Variants in SOX6 observed in about 807,000 individuals in gnomAD.
The protein encoded by SOX6 is SRY-box transcription factor 6.
A neutral mutation model predicts 97.8 loss-of-function variants in SOX6; 11 were observed. That is an observed-to-expected ratio of 0.11 (90% confidence interval 0.07 to 0.19). The LOEUF is 0.19. Ranked by LOEUF, SOX6 falls within the 10% of genes least tolerant of loss-of-function variation. SOX6 has a pLI of 1.00. For synonymous variants in SOX6, 360 were observed against 371.4 expected (o/e 0.97, Z 0.35); for missense variants, 810 against 1,039.5 (o/e 0.78, Z 3.04).
chr11:16,676,531 T>A (rs1403681749), intron 3 of SOX6, among the ~76,000 whole-genome samples: 1 of 152,210 alleles, frequency 6.6e-6, no homozygotes, highest in Non-Finnish European at 1.5e-5. Flanking sequence ...GAAATCAGAA[T>A]CTTCAACCTT....
chr11:16,103,970 T>C (rs997944468), intron 7 of SOX6, among the ~76,000 whole-genome samples: 2 of 151,608 alleles, frequency 1.3e-5, no homozygotes, highest in Admixed American at 6.6e-5. Context: ...ATCACCACTA[T>C]TGACATTCAA....
intron 2 of SOX6, among the ~76,000 whole-genome samples, chr11:16,728,801 T>A (rs1457554138): frequency 6.6e-6 from 1 of 152,166 alleles, no homozygotes; most frequent in Non-Finnish European, 1.5e-5. Context: ...AAGGAGGATG[T>A]TCTAACCCAA....
intron 2 of SOX6, among the ~76,000 whole-genome samples, chr11:16,731,843 A>G (rs904574752): frequency 6.6e-6 from 1 of 152,160 alleles, no homozygotes; most frequent in South Asian, 2.1e-4. Context: ...TTTTGAAAAC[A>G]CCAACATCTC....
Position 16,031,039 on chromosome 11 carries a change from T to A in SOX6, c.1623+15475A>T, listed in dbSNP as rs1215069302. Among the ~76,000 whole-genome samples, 3 of 152,136 alleles carry A rather than the reference T, an allele frequency of 2.0e-5. No individual in the cohort carries two copies. In the East Asian group the frequency reaches 5.8e-4, roughly 29 times the overall value. On this transcript the variant is annotated intron_variant, in intron 12 of 15. Coordinates refer to ENST00000683767, the MANE Select transcript of SOX6 (RefSeq NM_001367873.1). ...CATTAGCATCTTATAAATTGTAAAGTCTTTTCCCACATATTATCTAATTCG... is the reference window on the plus strand; with the variant it reads ...CATTAGCATCTTATAAATTGTAAAGACTTTTCCCACATATTATCTAATTCG...
chr11:16,143,066 A>G (rs1472061617), intron 6 of SOX6, among the ~76,000 whole-genome samples: 1 of 152,140 alleles, frequency 6.6e-6, no homozygotes, highest in Non-Finnish European at 1.5e-5. Flanking sequence ...CACCGAAGTT[A>G]AAATGAAGGA....
chr11:16,052,112 C>A (rs1847700290), intron 10 of SOX6, among the ~76,000 whole-genome samples: 1 of 152,028 alleles, frequency 6.6e-6, no homozygotes, highest in African/African-American at 2.4e-5. Context: ...TTTATTACAT[C>A]TTTTTTAACT....
At chr11:16,143,499 G>C (rs923857829) in intron 6 of SOX6, among the ~76,000 whole-genome samples, 11 of 152,054 alleles carry the variant, frequency 7.2e-5, no homozygotes, top group African/African-American at 1.4e-4. Context: ...TCACACATAA[G>C]AATATTAACC....
At chr11:16,326,515 A>T (rs7131442) in intron 2 of SOX6, among the ~76,000 whole-genome samples, 26,223 of 149,246 alleles carry the variant, frequency 0.18, 2,751 homozygotes, top group Admixed American at 0.3. Context: ...AGTTTTTTTT[A>T]AAAAAAAAAG....
intron 4 of SOX6, among the ~76,000 whole-genome samples, chr11:16,219,916 T>A (rs1852489418): frequency 6.6e-6 from 1 of 152,044 alleles, no homozygotes; most frequent in Non-Finnish European, 1.5e-5. Flanking sequence ...AGATGGAGAT[T>A]AATTATGATC....
intron 3 of SOX6, among the ~76,000 whole-genome samples, chr11:16,680,400 G>A (rs776736617): frequency 1.3e-5 from 2 of 152,144 alleles, no homozygotes. Context: ...CTACAGACAA[G>A]CAAATGCTGA....
In SOX6 at chr11:16,492,614, C is replaced by T. The variant is rs188443872; in HGVS notation, n.610-16226G>A. Among the ~76,000 whole-genome samples the T allele has an allele frequency of 6.8e-3, 1,033 of 152,248 alleles. 8 individuals are homozygous for T. Among genetic ancestry groups the T allele is most frequent in the African/African-American group, 0.024 (988 of 41,534 alleles). ...GACCTTAATAAGAAGGAGGCTTTTT[C>T]CTTCTTCCAAACCTCACTACTCCCT... On this transcript the variant is annotated intron_variant and non_coding_transcript_variant, in intron 4 of 5. Transcript: ENST00000524520.
chr11:16,289,962 C>G (rs1001501845), intron 3 of SOX6, among the ~76,000 whole-genome samples: 7 of 151,966 alleles, frequency 4.6e-5, no homozygotes, highest in Non-Finnish European at 7.4e-5. Flanking sequence ...GATATAAAGT[C>G]TTTTAACAAA....
At chr11:16,390,256 G>GA (rs1778402842) in intron 1 of SOX6, among the ~76,000 whole-genome samples, 1 of 149,404 alleles carries the variant, frequency 6.7e-6, no homozygotes, top group South Asian at 2.1e-4. Flanking sequence ...CTCCAGGTCA[G>GA]AAAAAAATGC....
intron 3 of SOX6, among the ~76,000 whole-genome samples, chr11:16,614,146 A>G (rs1848438739): frequency 6.6e-6 from 1 of 152,142 alleles, no homozygotes; most frequent in Non-Finnish European, 1.5e-5. Flanking sequence ...AACTCCAAAC[A>G]CTAACTCCCA....
chr11:16,724,493 A>G (rs1486272867), intron 2 of SOX6, among the ~76,000 whole-genome samples: 2 of 152,212 alleles, frequency 1.3e-5, no homozygotes, highest in African/African-American at 4.8e-5. Flanking sequence ...TTAAAAAAAA[A>G]AAAAGGACAA....
At chr11:15,980,350 T>G (rs1853620665) in intron 15 of SOX6, among the ~76,000 whole-genome samples, 1 of 152,054 alleles carries the variant, frequency 6.6e-6, no homozygotes, top group Non-Finnish European at 1.5e-5. Context: ...GTTCAAGAAC[T>G]TAGGGAAGAC....
At chr11:16,141,710 G>A (rs894052124) in intron 6 of SOX6, among the ~76,000 whole-genome samples, 1 of 152,100 alleles carries the variant, frequency 6.6e-6, no homozygotes, top group Non-Finnish European at 1.5e-5. Flanking sequence ...GATTATATTC[G>A]GCGCCTGGCT....
At chr11:16,355,527 G>A (rs994760924) in intron 1 of SOX6, among the ~76,000 whole-genome samples, 1 of 151,922 alleles carries the variant, frequency 6.6e-6, no homozygotes, top group Non-Finnish European at 1.5e-5. Flanking sequence ...AGTTATAGCA[G>A]CTTATGAACA....
At chr11:16,214,746 ATT>A (rs368038119) in intron 4 of SOX6, among the ~76,000 whole-genome samples, 12,638 of 130,654 alleles carry the variant, frequency 0.097, 404 homozygotes, top group South Asian at 0.15. Context: ...ACTGGAACCA[ATT>A]TTTTTTTTTT....
Sources: gnomAD v4.1 joint callset for allele counts (sites outside exome capture counted in the v4.1 genomes callset) on GRCh38, gnomAD v4.1.1 for gene constraint, MANE v1.5 for transcripts, NCBI Gene and HGNC (gene_info 2026-07-23, HGNC 2026-07-21) for gene names.